Variants in LRPPRC observed in about 807,000 individuals in gnomAD.
LRPPRC encodes leucine-rich PPR motif-containing protein, mitochondrial.
LRPPRC carries 120 observed loss-of-function variants against 180.3 expected under a neutral mutation model. The ratio of observed to expected loss-of-function variants is 0.67; its 90% CI spans 0.57 to 0.77. The LOEUF is 0.77. LRPPRC is among the 30% of genes least tolerant of loss of function. The pLI, the probability that LRPPRC is intolerant of heterozygous loss-of-function variation, is 0.00. For missense variants in LRPPRC, 2,012 were observed against 1,657.2 expected (o/e 1.21, Z -3.72); for synonymous variants, 723 against 600.0 (o/e 1.21, Z -3.00).
At chr2:43,967,886 T>A (rs1451173032) in intron 11 of LRPPRC, among the ~76,000 whole-genome samples, 1 of 152,140 alleles carries the variant, frequency 6.6e-6, no homozygotes, top group African/African-American at 2.4e-5. Context: ...CCATAAAAGA[T>A]GGCAAATCCC....
At chr2:43,979,581 G>A (rs1036711750) in intron 3 of LRPPRC, among the ~76,000 whole-genome samples, 15 of 152,010 alleles carry the variant, frequency 9.9e-5, no homozygotes, top group Admixed American at 7.2e-4. Flanking sequence ...CAGACAAACC[G>A]GCTATTTTCT....
intron 27 of LRPPRC, among the ~76,000 whole-genome samples, chr2:43,924,343 AAAAG>A: frequency 6.6e-6 from 1 of 152,322 alleles, no homozygotes; most frequent in African/African-American, 2.4e-5. Flanking sequence ...GCATTGTTTG[AAAAG>A]AGAGATCGAA....
chr2:43,974,336 C>T lies in LRPPRC; in HGVS notation c.1010-41G>A, dbSNP rs1673955044. 4 of 1,478,462 alleles carry T rather than the reference C, an allele frequency of 2.7e-6. No homozygotes were observed. In the East Asian group the frequency reaches 9.1e-5, roughly 33 times the overall value. The allele number at this position is 1,478,462 out of a possible 1,614,324, so 91.6% of individuals were successfully genotyped here. A position where few individuals can be genotyped will look rare whatever the true frequency, so the allele number is the denominator to read the frequency against. Reference sequence around the variant, plus strand: ...AGACATCTTTTGTTAATAAACTGAACAATATTTTTACACTGCAACCAATGT... The same window carrying T: ...AGACATCTTTTGTTAATAAACTGAATAATATTTTTACACTGCAACCAATGT... On this transcript the variant is annotated intron_variant, in intron 8 of 37. Transcript: ENST00000260665.
In LRPPRC at chr2:43,977,018, T is replaced by C; in HGVS notation, c.626A>G (p.Asn209Ser). 1.9e-6 allele frequency: 3 copies of C among 1,613,452 alleles called. No homozygotes were observed. Among genetic ancestry groups the C allele is most frequent in the Non-Finnish European group, 2.5e-6 (3 of 1,179,542 alleles). Reference protein sequence around the residue: ...TYQRLIASYCNVGDIEGASKI... With the variant: ...TYQRLIASYCSVGDIEGASKI... Reference sequence around the variant, plus strand: ...CCTGGCACCTTCAATATCTCCTACATTACAATAAGAAGCAATCAATCTCTG... The same window carrying C: ...CCTGGCACCTTCAATATCTCCTACACTACAATAAGAAGCAATCAATCTCTG... Residue 209 changes from asparagine (N) to serine (S), a missense_variant, in exon 5 of 38, where the codon AAT becomes AGT. Physicochemically the swap from Asn to Ser is conservative, Grantham distance 46 (BLOSUM62 1). Transcript: ENST00000260665.
chr2:43,975,984 A>AT (rs1032091412), intron 6 of LRPPRC, among the ~76,000 whole-genome samples, 159 bp downstream of exon 6: 3 of 151,754 alleles, frequency 2.0e-5, no homozygotes, highest in East Asian at 1.9e-4. Context: ...TATACTACAG[A>AT]TTTTTTTTTG....
In LRPPRC at chr2:43,933,917, T is replaced by C. The variant is rs113226884; in HGVS notation, c.2736+273A>G. ...CCAGTTTAATTTAATTGTTCCACAA[T>C]CCAAGATTTAATATGCAAATATCAT... On this transcript the variant is annotated intron_variant, in intron 25 of 37. Coordinates refer to ENST00000260665, the MANE Select transcript of LRPPRC (RefSeq NM_133259.4). Among the ~76,000 whole-genome samples the C allele has an allele frequency of 4.9e-4, 75 of 152,244 alleles. 1 individual carries two copies. Among genetic ancestry groups the C allele is most frequent in the Non-Finnish European group, 8.8e-4 (60 of 67,986 alleles).
chr2:43,969,155 G>A (rs988022652), intron 11 of LRPPRC, among the ~76,000 whole-genome samples: 1 of 152,206 alleles, frequency 6.6e-6, no homozygotes, highest in South Asian at 2.1e-4. Flanking sequence ...GCTCACGCCT[G>A]TAATCCCAGC....
intron 31 of LRPPRC, chr2:43,904,561 CGG>C: frequency 6.6e-6 from 1 of 151,826 alleles, no homozygotes; most frequent in East Asian, 1.9e-4. Context: ...GGCGTGGTGG[CGG>C]GCGCCTGTAA....
intron 36 of LRPPRC, among the ~76,000 whole-genome samples, chr2:43,893,025 C>T (rs1389764185): frequency 6.6e-6 from 1 of 152,106 alleles, no homozygotes; most frequent in Non-Finnish European, 1.5e-5. Context: ...TTGAGGGTCT[C>T]AAGATTTCTG....
At chr2:43,934,730 T>A (rs1437531295) in intron 24 of LRPPRC, 24 bp downstream of exon 24, 1 of 1,609,634 alleles carries the variant, frequency 6.2e-7, no homozygotes, top group East Asian at 2.2e-5. Context: ...AAAAACTACA[T>A]TAAGATACTA....
intron 27 of LRPPRC, among the ~76,000 whole-genome samples, chr2:43,918,897 T>TATAC (rs1238366424): frequency 5.3e-5 from 8 of 150,482 alleles, no homozygotes; most frequent in African/African-American, 1.7e-4. Context: ...TATGCCACCA[T>TATAC]ATACATACAT....
At chr2:43,912,692 TAG>T (rs1248534830) in intron 29 of LRPPRC, 134 bp from the exon 30 acceptor site, 2 of 658,198 alleles carry the variant, frequency 3.0e-6, no homozygotes, top group African/African-American at 1.8e-5. Context: ...TACCACTCTA[TAG>T]AGAGACACAC....
At chr2:43,957,120 A>T (rs1673151151) in intron 14 of LRPPRC, among the ~76,000 whole-genome samples, 1 of 152,250 alleles carries the variant, frequency 6.6e-6, no homozygotes, top group African/African-American at 2.4e-5. Context: ...TGTAACTCCA[A>T]CTTGCCATTT....
At chr2:43,989,610 C>T (rs573093937) in intron 1 of LRPPRC, among the ~76,000 whole-genome samples, 1 of 152,144 alleles carries the variant, frequency 6.6e-6, no homozygotes, top group Non-Finnish European at 1.5e-5. Flanking sequence ...ATGTTTTTGT[C>T]CATAAGTAAT....
In LRPPRC at chr2:43,950,547, T is replaced by C. The variant is rs549147667; in HGVS notation, c.1677+26A>G. ...GGCTTGTAACGTTAAAAGCACCTTATGATTTGCAATATTAGAGGGACTTAC... is the reference window on the plus strand; with the variant it reads ...GGCTTGTAACGTTAAAAGCACCTTACGATTTGCAATATTAGAGGGACTTAC... On this transcript the variant is annotated intron_variant, in intron 15 of 37. Transcript: ENST00000260665. 1.0e-4 allele frequency: 165 copies of C among 1,597,146 alleles called. No individual in the cohort carries two copies. The South Asian group carries it at 1.2e-3, about 11-fold the overall frequency.
intron 1 of LRPPRC, among the ~76,000 whole-genome samples, chr2:43,990,735 C>T (rs997042468): frequency 1.4e-4 from 22 of 152,056 alleles, no homozygotes; most frequent in Non-Finnish European, 2.9e-4. Flanking sequence ...GACAGCACGT[C>T]TAATAGTTGT....
In LRPPRC at chr2:43,891,125, C is replaced by A. The variant is rs534840726; in HGVS notation, c.3986-1249G>T. On this transcript the variant is annotated intron_variant, in intron 36 of 37. Transcript: ENST00000260665. ...TTTGCTGTTTCCATGAAGTCAACTT[C>A]TTGTGTAAATCCTTTATTTCCCTTC... is the stretch of plus-strand genomic sequence containing the variant. 2.6e-5 allele frequency among the ~76,000 whole-genome samples: 4 copies of A among 152,330 alleles called. No individual in the cohort carries two copies. In the South Asian group the frequency reaches 8.3e-4, roughly 32 times the overall value.
At chr2:43,958,079 T>C (rs138289696) in intron 13 of LRPPRC, among the ~76,000 whole-genome samples, 99 of 152,360 alleles carry the variant, frequency 6.5e-4, no homozygotes, top group South Asian at 1.9e-3. Flanking sequence ...TACAACCTTG[T>C]ATGTTTCAAT....
rs963038078 is a variant in LRPPRC at position 43,963,502 on chromosome 2, A to C, written c.1488+86T>G. The C allele has an allele frequency of 1.1e-5, 10 of 886,456 alleles. No individual in the cohort carries two copies. The African/African-American group carries it at 1.6e-4, about 15-fold the overall frequency. 54.9% of individuals were successfully genotyped at this position (886,456 alleles called of 1,614,324 possible). A position where few individuals can be genotyped will look rare whatever the true frequency, so the allele number is the denominator to read the frequency against. ...TTTGACCATTTTGAGTCCTCAGTTC[A>C]ATGACTTTTTTGTGTGTCAACACTA... On this transcript the variant is annotated intron_variant, in intron 12 of 37. Coordinates refer to ENST00000260665, the MANE Select transcript of LRPPRC (RefSeq NM_133259.4).
Sources: gnomAD v4.1 joint callset for allele counts (sites outside exome capture counted in the v4.1 genomes callset) on GRCh38, gnomAD v4.1.1 for gene constraint, MANE v1.5 for transcripts, NCBI Gene and HGNC (gene_info 2026-07-23, HGNC 2026-07-21) for gene names.